The following ERBIN variants were observed in gnomAD, a reference collection of about 807,000 sequenced individuals.
ERBIN encodes erbb2 interacting protein, also known as densin-180-like protein.
ERBIN carries 60 observed loss-of-function variants against 158.4 expected under a neutral mutation model. The ratio of observed to expected loss-of-function variants is 0.38; its 90% CI spans 0.31 to 0.47. The LOEUF (loss-of-function observed/expected upper bound fraction) is 0.47, where lower values mean the gene tolerates loss of function less well. Among genes scored for constraint, ERBIN ranks in the 20% least tolerant of loss-of-function variants. The pLI, the probability that ERBIN is intolerant of heterozygous loss-of-function variation, is 0.99. For synonymous variants in ERBIN, 594 were observed against 557.2 expected (o/e 1.07, Z -0.93); for missense variants, 1,610 against 1,648.0 (o/e 0.98, Z 0.40).
intron 20 of ERBIN, 116 bp from the exon 21 acceptor site, chr5:66,053,290 T>C: frequency 1.8e-6 from 1 of 555,472 alleles, no homozygotes; most frequent in Non-Finnish European, 3.0e-6. Flanking sequence ...GCCTTTTGTC[T>C]TTGACTTTTA....
At chr5:66,021,668 T>C (rs1580377035) in intron 8 of ERBIN, among the ~76,000 whole-genome samples, 1 of 152,132 alleles carries the variant, frequency 6.6e-6, no homozygotes, top group African/African-American at 2.4e-5. Flanking sequence ...TGAGTGATTA[T>C]AAGTGGGAAA....
chr5:65,928,130 C>A (rs915464936), intron 1 of ERBIN, among the ~76,000 whole-genome samples: 7 of 152,172 alleles, frequency 4.6e-5, no homozygotes, highest in African/African-American at 1.4e-4. Context: ...CAAATTATTT[C>A]ACAATTTGTT....
intron 1 of ERBIN, among the ~76,000 whole-genome samples, chr5:65,954,143 A>G (rs1447275064): frequency 6.6e-6 from 1 of 152,170 alleles, no homozygotes; most frequent in African/African-American, 2.4e-5. Context: ...TCTTTGATTG[A>G]GACGATATAT....
At chr5:66,030,022 G>C (rs1303094230) in intron 14 of ERBIN, among the ~76,000 whole-genome samples, 1 of 151,888 alleles carries the variant, frequency 6.6e-6, no homozygotes, top group Non-Finnish European at 1.5e-5. Flanking sequence ...ATGATACATT[G>C]CCTTTATTAG....
intron 6 of ERBIN, 129 bp downstream of exon 6, chr5:66,013,767 G>A: frequency 1.7e-6 from 1 of 581,660 alleles, no homozygotes; most frequent in South Asian, 2.5e-5. Flanking sequence ...CAAGCATTGT[G>A]ACTTTTATAC....
intron 1 of ERBIN, among the ~76,000 whole-genome samples, chr5:65,976,239 T>G (rs528628785): frequency 6.6e-6 from 1 of 152,216 alleles, no homozygotes; most frequent in African/African-American, 2.4e-5. Context: ...TTTGGGAAGC[T>G]GAGGTGCTTG....
chr5:65,970,027 T>C (rs1033998349), intron 1 of ERBIN, among the ~76,000 whole-genome samples: 6 of 152,232 alleles, frequency 3.9e-5, no homozygotes, highest in Non-Finnish European at 5.9e-5. Flanking sequence ...TGGTTTCACT[T>C]TTGTTACCTT....
At chr5:66,020,910 A>G (rs1755619187) in intron 7 of ERBIN, among the ~76,000 whole-genome samples, 1 of 152,010 alleles carries the variant, frequency 6.6e-6, no homozygotes, top group Non-Finnish European at 1.5e-5. Context: ...GTTATCTTAA[A>G]GTCTTACAAA....
Position 66,078,808 on chromosome 5 carries a change from T to C in ERBIN, c.*278T>C, listed in dbSNP as rs558838087. ...CAAACCTGTGTTGTTTTTGTATAGA[T>C]TGTAGGTTTATTTTTGGATTTCATA... is the stretch of plus-strand genomic sequence containing the variant. On this transcript the variant is annotated 3_prime_UTR_variant, in exon 26 of 26. Transcript: ENST00000284037. The C allele has an allele frequency of 1.4e-4, 49 of 351,690 alleles. No homozygotes were observed. The South Asian group carries it at 1.6e-3, about 11-fold the overall frequency. The allele number at this position is 351,690 out of a possible 1,614,324, so 21.8% of individuals were successfully genotyped here. A position where few individuals can be genotyped will look rare whatever the true frequency, so the allele number is the denominator to read the frequency against.
In ERBIN at chr5:66,048,746, A is replaced by G. The variant is rs781578253; in HGVS notation, c.1868A>G (p.Gln623Arg). ...CCATTAATTGAAACCTCTATTAACC[A>G]GCCAAAAGTCGTAGCACTTAGTAAT... is the stretch of plus-strand genomic sequence containing the variant. ...RPPLIETSIN[Q>R]PKVVALSNNK... Residue 623 changes from glutamine (Q) to arginine (R), a missense_variant, in exon 19 of 26, where the codon CAG becomes CGG. Gln to Arg is a conservative substitution (Grantham distance 43). Transcript: ENST00000284037. 22 of 1,606,982 alleles carry G rather than the reference A, an allele frequency of 1.4e-5. No individual in the cohort carries two copies. Among genetic ancestry groups the G allele is most frequent in the African/African-American group, 2.7e-5 (2 of 74,726 alleles).
chr5:65,998,264 A>T (rs1278531945), intron 4 of ERBIN, among the ~76,000 whole-genome samples: 2 of 149,346 alleles, frequency 1.3e-5, no homozygotes, highest in African/African-American at 4.9e-5. Context: ...ATATATTTAT[A>T]TATCTCCACT....
chr5:65,959,443 TTAATA>T (rs778667948), intron 1 of ERBIN, among the ~76,000 whole-genome samples: 12 of 152,218 alleles, frequency 7.9e-5, no homozygotes, highest in African/African-American at 1.9e-4. Flanking sequence ...TTTATGTAGT[TTAATA>T]TATTTTATGA....
At chr5:65,996,156 G>A (rs1293524041) in intron 4 of ERBIN, among the ~76,000 whole-genome samples, 1 of 150,718 alleles carries the variant, frequency 6.6e-6, no homozygotes, top group Admixed American at 6.6e-5. Flanking sequence ...CTGTGCTTTT[G>A]GGGTCATATT....
At chr5:66,013,753 T>C (rs1282727569) in intron 6 of ERBIN, 115 bp downstream of exon 6, 3 of 610,838 alleles carry the variant, frequency 4.9e-6, no homozygotes, top group East Asian at 5.8e-5. Flanking sequence ...TTTTAAATTA[T>C]TCCCAAGCAT....
rs1758454956 is a variant in ERBIN, at chr5:66,046,474, T to C, written c.1724T>C (p.Val575Ala). Residue 575 changes from valine to alanine, a missense_variant, in exon 18 of 26, where the codon GTG becomes GCG. Around this residue, in one of 2 missense-constraint regions of ERBIN, gnomAD observed 596 missense variants for 711.9 expected, o/e 0.84. Coordinates refer to ENST00000284037, the MANE Select transcript of ERBIN (RefSeq NM_001253697.2). ...GAGATTAGTCCTGGGAGTTTACCAG[T>C]GACTGCAAATATGAAAGCCTCTGAG... ...EAEISPGSLP[V>A]TANMKASENL... 4 of 1,611,582 alleles carry C rather than the reference T, an allele frequency of 2.5e-6. No individual in the cohort carries two copies. The South Asian group carries it at 4.4e-5, about 18-fold the overall frequency.
chr5:66,057,855 TC>T (rs1433190888), intron 21 of ERBIN, among the ~76,000 whole-genome samples: 6 of 151,442 alleles, frequency 4.0e-5, no homozygotes, highest in Non-Finnish European at 7.4e-5. Flanking sequence ...TCCAGCTTCA[TC>T]CATGTCCCTA....
intron 15 of ERBIN, among the ~76,000 whole-genome samples, chr5:66,041,315 C>G (rs1757896015): frequency 6.6e-6 from 1 of 151,936 alleles, no homozygotes; most frequent in Non-Finnish European, 1.5e-5. Flanking sequence ...AATCATTTAG[C>G]TGATGTGCAT....
intron 21 of ERBIN, among the ~76,000 whole-genome samples, chr5:66,069,456 A>G (rs907232985): frequency 6.6e-6 from 1 of 152,256 alleles, no homozygotes; most frequent in Non-Finnish European, 1.5e-5. Flanking sequence ...AATGTTAATC[A>G]TAATTCACTG....
chr5:66,078,773 G>A lies in ERBIN; in HGVS notation c.*243G>A, dbSNP rs1307001110. On this transcript the variant is annotated 3_prime_UTR_variant, in exon 26 of 26. Transcript: ENST00000284037. ...TAGGTTTTTAAACATAGCAATCAAG[G>A]CTACAAAAACAAACCTGTGTTGTTT... The A allele has an allele frequency of 4.6e-6, 2 of 433,486 alleles. No individual in the cohort carries two copies. Among genetic ancestry groups the A allele is most frequent in the Non-Finnish European group, 8.1e-6 (2 of 246,300 alleles). 26.9% of individuals were successfully genotyped at this position (433,486 alleles called of 1,614,324 possible). A position where few individuals can be genotyped will look rare whatever the true frequency, so the allele number is the denominator to read the frequency against.
Sources: gnomAD v4.1 joint callset for allele counts (sites outside exome capture counted in the v4.1 genomes callset) on GRCh38, gnomAD v4.1.1 for gene constraint, gnomAD v4.1.1 regional missense constraint, MANE v1.5 for transcripts, NCBI Gene and HGNC (gene_info 2026-07-23, HGNC 2026-07-21) for gene names.